TRIM37: variants seen among roughly 807,000 people sequenced by gnomAD.
The protein encoded by TRIM37 is tripartite motif containing 37.
TRIM37 carries 80 observed loss-of-function variants against 129.8 expected under a neutral mutation model. The observed-to-expected ratio is 0.62, with a 90% confidence interval of 0.51 to 0.74. The LOEUF is 0.74. TRIM37 is among the 30% of genes least tolerant of loss of function. The pLI, the probability that TRIM37 is intolerant of heterozygous loss-of-function variation, is 0.00. For missense variants in TRIM37, 1,054 were observed against 1,176.5 expected, an observed-to-expected ratio of 0.90 and a Z score of 1.52; for synonymous variants, 389 against 387.1, an observed-to-expected ratio of 1.00 and a Z score of -0.06.
chr17:59,059,418 C>T (rs1468852198), intron 12 of TRIM37: 2 of 152,374 alleles, frequency 1.3e-5, no homozygotes, highest in Middle Eastern at 3.1e-3. Context: ...CTCTGTCATT[C>T]AGGCTGGAGT....
intron 16 of TRIM37, among the ~76,000 whole-genome samples, chr17:59,043,911 TACA>T (rs745794001): frequency 1.3e-5 from 2 of 152,182 alleles, no homozygotes; most frequent in Non-Finnish European, 2.9e-5. Context: ...CAGAGAAACA[TACA>T]ACACTATTAA....
intron 24 of TRIM37, among the ~76,000 whole-genome samples, chr17:58,990,644 A>G (rs893051351): frequency 2.6e-5 from 4 of 151,484 alleles, no homozygotes; most frequent in Non-Finnish European, 5.9e-5. Context: ...TACAAAAATT[A>G]GCTGGGTGTG....
At chr17:59,082,417 A>G (rs533502224) in intron 5 of TRIM37, among the ~76,000 whole-genome samples, 2 of 152,316 alleles carry the variant, frequency 1.3e-5, no homozygotes, top group African/African-American at 4.8e-5. Context: ...AGCTCTCTGT[A>G]TTTATTCCTA....
chr17:58,997,084 G>A (rs752583253), downstream of TRIM37, among the ~76,000 whole-genome samples: 4 of 152,080 alleles, frequency 2.6e-5, no homozygotes, highest in Non-Finnish European at 4.4e-5. Flanking sequence ...ATCCTAGACC[G>A]GATCCTAGAA....
chr17:59,092,055 G>GA (rs146832017), intron 2 of TRIM37, among the ~76,000 whole-genome samples: 3,128 of 151,446 alleles, frequency 0.021, 42 homozygotes, highest in Middle Eastern at 0.045. Flanking sequence ...AAATTAAACC[G>GA]AAAAAAATGA....
At chr17:59,048,558 G>A (rs1336017051) in intron 15 of TRIM37, among the ~76,000 whole-genome samples, 1 of 152,166 alleles carries the variant, frequency 6.6e-6, no homozygotes, top group Non-Finnish European at 1.5e-5. Flanking sequence ...GTAATGATAA[G>A]GCATGTACTA....
chr17:58,973,951 CAAAAAAAAAAAAA>C, the TRIM37 span, among the ~76,000 whole-genome samples: 48 of 55,502 alleles, frequency 8.6e-4, no homozygotes, highest in African/African-American at 2.7e-3. Context: ...GACTCCATCT[CAAAAAAAAAAAAA>C]AAAAAAAAAA....
Position 59,081,122 on chromosome 17 carries a change from TC to T in TRIM37, c.466del (p.Glu156AsnfsTer2), listed in dbSNP as rs2043216710. The T allele has an allele frequency of 1.2e-6, 2 of 1,613,462 alleles. No homozygotes were observed. The highest frequency in any genetic ancestry group is 1.7e-5 in the Admixed American group (1 of 59,982). On this transcript the variant is annotated frameshift_variant, in exon 6 of 24. Coordinates refer to ENST00000262294, the MANE Select transcript of TRIM37 (RefSeq NM_015294.6). LOFTEE classifies it high-confidence loss of function. ...CACTTCTTGAACTAAGCTGATCAGTTCCATGAGACGCCGACGAAGTTTGGCT... is the reference window on the plus strand; with the variant it reads ...CACTTCTTGAACTAAGCTGATCAGTTCATGAGACGCCGACGAAGTTTGGCT... Reference protein sequence around the residue: ...EVAKLRRRLMELISLVQEVER... With the variant: ...EVAKLRRRLMXLISLVQEVER...
intron 14 of TRIM37, among the ~76,000 whole-genome samples, chr17:59,049,755 C>T (rs548823653): frequency 3.9e-4 from 60 of 152,154 alleles, no homozygotes; most frequent in Non-Finnish European, 7.3e-4. Flanking sequence ...GCCTCGGCCT[C>T]CCAACATGCT....
chr17:59,046,981 C>T (rs1219115559), intron 16 of TRIM37, among the ~76,000 whole-genome samples: 4 of 151,260 alleles, frequency 2.6e-5, no homozygotes, highest in Non-Finnish European at 4.4e-5. Context: ...GGTGAAACCC[C>T]GTCTCTACTA....
intron 17 of TRIM37, among the ~76,000 whole-genome samples, chr17:59,035,755 ACAAAAAAC>A (rs1282411669): frequency 0.017 from 2,529 of 152,004 alleles, 56 homozygotes; most frequent in African/African-American, 0.053. Context: ...AAACAAAAAA[ACAAAAAAC>A]CAAAAAAACA....
intron 19 of TRIM37, among the ~76,000 whole-genome samples, chr17:59,022,141 A>G (rs2036678571): frequency 6.6e-6 from 1 of 152,174 alleles, no homozygotes; most frequent in Non-Finnish European, 1.5e-5. Context: ...GCACAGAATT[A>G]GAACTAAAGT....
intron 17 of TRIM37, among the ~76,000 whole-genome samples, chr17:59,036,447 G>GTGTGTGTGTGT (rs2038497208): frequency 5.0e-5 from 7 of 140,582 alleles, no homozygotes; most frequent in African/African-American, 1.9e-4. Context: ...ATTTGCTGGG[G>GTGTGTGTGTGT]GTGTGTGTGT....
chr17:58,976,231 G>C, the TRIM37 span, among the ~76,000 whole-genome samples: 3 of 152,146 alleles, frequency 2.0e-5, no homozygotes, highest in South Asian at 2.1e-4. Flanking sequence ...ATGGGAAAAG[G>C]ACACTGCTTA....
chr17:59,096,106 G>GCTGTCCTTTTGTTCATTTCCAAAAAC (rs2044830292), intron 2 of TRIM37, among the ~76,000 whole-genome samples: 1 of 152,120 alleles, frequency 6.6e-6, no homozygotes, highest in Non-Finnish European at 1.5e-5. Flanking sequence ...AAAGGGAAAA[G>GCTGTCCTTTTGTTCATTTCCAAAAAC]CTGTCCTTTT....
intron 17 of TRIM37, among the ~76,000 whole-genome samples, chr17:59,032,514 A>C (rs1168092143): frequency 1.4e-5 from 2 of 139,452 alleles, no homozygotes; most frequent in African/African-American, 5.3e-5. Flanking sequence ...CCTGGGCGAC[A>C]GAGCGAGACT....
At chr17:59,032,277 G>A (rs2037937309) in intron 17 of TRIM37, among the ~76,000 whole-genome samples, 187 bp from the exon 18 acceptor site, 1 of 152,062 alleles carries the variant, frequency 6.6e-6, no homozygotes, top group South Asian at 2.1e-4. Context: ...TGTAATCCCA[G>A]CACTTTGGGA....
chr17:59,017,916 G>A (rs1308911015), intron 19 of TRIM37, among the ~76,000 whole-genome samples: 4 of 152,104 alleles, frequency 2.6e-5, no homozygotes, highest in African/African-American at 9.7e-5. Flanking sequence ...ATGGGCCACC[G>A]CACACCGCCC....
chr17:59,022,531 A>C (rs2036727441), intron 19 of TRIM37, among the ~76,000 whole-genome samples: 1 of 152,216 alleles, frequency 6.6e-6, no homozygotes, highest in South Asian at 2.1e-4. Flanking sequence ...TACCAATGTG[A>C]AACTAGCAAC....
Sources: gnomAD v4.1 joint callset for allele counts (sites outside exome capture counted in the v4.1 genomes callset) on GRCh38, gnomAD v4.1.1 for gene constraint, MANE v1.5 for transcripts, NCBI Gene and HGNC (gene_info 2026-07-23, HGNC 2026-07-21) for gene names.